FCHSD2: variants seen among roughly 807,000 people sequenced by gnomAD.
FCHSD2 encodes the protein F-BAR and double SH3 domains protein 2.
In FCHSD2, 38 loss-of-function variants were observed where a neutral mutation model predicts 108.1. The ratio of observed to expected loss-of-function variants is 0.35; its 90% CI spans 0.27 to 0.46. FCHSD2 has a LOEUF of 0.46. Among genes scored for constraint, FCHSD2 ranks in the 20% least tolerant of loss-of-function variants. The probability of loss-of-function intolerance (pLI) is 1.00; values close to 1 mark genes in which losing one functional copy is unlikely to be tolerated. For synonymous variants in FCHSD2, 279 were observed against 314.7 expected (o/e 0.89, Z 1.20); for missense variants, 751 against 897.8 (o/e 0.84, Z 2.09).
chr11:72,946,827 T>C (rs1332269826), intron 8 of FCHSD2, among the ~76,000 whole-genome samples: 1 of 152,168 alleles, frequency 6.6e-6, no homozygotes, highest in Non-Finnish European at 1.5e-5. Flanking sequence ...AGATGTTAAG[T>C]ATAATGCCTA....
chr11:72,916,880 A>C (rs1373397299), intron 9 of FCHSD2, among the ~76,000 whole-genome samples: 1 of 151,708 alleles, frequency 6.6e-6, no homozygotes, highest in African/African-American at 2.4e-5. Flanking sequence ...ATAAAGATCT[A>C]TCTCTGTTTT....
chr11:72,870,495 C>T (rs982949291), intron 12 of FCHSD2, among the ~76,000 whole-genome samples: 2 of 152,002 alleles, frequency 1.3e-5, no homozygotes, highest in African/African-American at 4.8e-5. Flanking sequence ...TGAAAGACTG[C>T]CATTCAATGA....
Position 72,928,100 on chromosome 11 carries a change from T to A in FCHSD2, c.706-6150A>T, listed in dbSNP as rs146004687. Among the ~76,000 whole-genome samples the A allele has an allele frequency of 9.2e-5, 14 of 152,172 alleles. No individual in the cohort carries two copies. The East Asian group carries it at 2.5e-3, about 27-fold the overall frequency. On this transcript the variant is annotated intron_variant, in intron 8 of 19. Coordinates refer to ENST00000409418, the MANE Select transcript of FCHSD2 (RefSeq NM_014824.3). ...TCTTGCCTTGCTTTAAAATCATCAA[T>A]GCATTGGCCACATATTGATAATGGT...
intron 10 of FCHSD2, among the ~76,000 whole-genome samples, chr11:72,890,903 T>A (rs540141432): frequency 2.4e-4 from 37 of 152,286 alleles, no homozygotes; most frequent in Middle Eastern, 3.4e-3. Flanking sequence ...GAATTTTTTT[T>A]AAAATATAAA....
chr11:72,881,582 T>C (rs1374062629), intron 12 of FCHSD2, among the ~76,000 whole-genome samples: 3 of 152,208 alleles, frequency 2.0e-5, no homozygotes, highest in African/African-American at 7.2e-5. Flanking sequence ...AGTCATACCT[T>C]CATCCCCTGT....
chr11:73,012,722 C>T (rs1260070570), intron 4 of FCHSD2, among the ~76,000 whole-genome samples: 1 of 152,108 alleles, frequency 6.6e-6, no homozygotes, highest in Non-Finnish European at 1.5e-5. Context: ...CTCTCTCCCC[C>T]TGCTTCATTC....
rs1860773828 is a variant in FCHSD2, at chr11:72,837,710, A to T, written c.*1081T>A. ...GCGCAATCCTTCAGTCCTTTCTCAT[A>T]GAAAGCTGGTTTCCTCCACGAGCCA... is the stretch of plus-strand genomic sequence containing the variant. On this transcript the variant is annotated 3_prime_UTR_variant, in exon 20 of 20. Transcript: ENST00000409418. 6.6e-6 allele frequency: 1 copy of T among 152,194 alleles called. No individual in the cohort carries two copies. The highest frequency in any genetic ancestry group is 1.5e-5 in the Non-Finnish European group (1 of 68,034). The allele number at this position is 152,194 out of a possible 1,614,324, so 9.4% of individuals were successfully genotyped here. A position where few individuals can be genotyped will look rare whatever the true frequency, so the allele number is the denominator to read the frequency against.
chr11:73,072,834 C>T (rs1045222806), intron 3 of FCHSD2, among the ~76,000 whole-genome samples: 4 of 152,190 alleles, frequency 2.6e-5, no homozygotes, highest in Non-Finnish European at 2.9e-5. Context: ...ACCACATGCA[C>T]ATAACACTAA....
intron 9 of FCHSD2, among the ~76,000 whole-genome samples, chr11:72,906,173 G>C (rs1190261791): frequency 1.3e-5 from 2 of 152,194 alleles, no homozygotes; most frequent in African/African-American, 4.8e-5. Context: ...GCATTTCTCT[G>C]ATGACCAGTG....
intron 3 of FCHSD2, among the ~76,000 whole-genome samples, chr11:73,025,467 C>A (rs1300360968): frequency 6.6e-6 from 1 of 151,924 alleles, no homozygotes; most frequent in Non-Finnish European, 1.5e-5. Flanking sequence ...TAGAGGGGAA[C>A]AACAGGCACT....
chr11:73,014,152 GAC>G (rs1857920256), intron 4 of FCHSD2, among the ~76,000 whole-genome samples: 1 of 122,134 alleles, frequency 8.2e-6, no homozygotes, highest in African/African-American at 3.2e-5. Context: ...TTTTTTGGGA[GAC>G]AGAGTCTCAC....
At chr11:72,866,280 G>A (rs1854720920) in intron 13 of FCHSD2, among the ~76,000 whole-genome samples, 2 of 150,944 alleles carry the variant, frequency 1.3e-5, no homozygotes, top group African/African-American at 4.9e-5. Context: ...TGTTTTTTTT[G>A]TTTTTTGAGA....
chr11:73,001,664 C>T lies in FCHSD2; in HGVS notation c.243-530G>A, dbSNP rs185722185. On this transcript the variant is annotated intron_variant, in intron 4 of 19. Transcript: ENST00000409418. ...CATTTTACTCTTATATAAACTGACG[C>T]GGCTGGAAAAATATATCATGAACAA... is the stretch of plus-strand genomic sequence containing the variant. Among the ~76,000 whole-genome samples the T allele has an allele frequency of 7.2e-5, 11 of 152,230 alleles. No individual in the cohort carries two copies. In the South Asian group the frequency reaches 1.0e-3, roughly 14 times the overall value.
intron 2 of FCHSD2, among the ~76,000 whole-genome samples, chr11:73,115,665 A>T (rs1178507261): frequency 6.6e-6 from 1 of 152,220 alleles, no homozygotes; most frequent in Non-Finnish European, 1.5e-5. Context: ...AAATTGGTTC[A>T]TGCAATTGTA....
chr11:72,843,195 G>A lies in FCHSD2; in HGVS notation c.1661C>T (p.Thr554Met), dbSNP rs200023715. The change falls in exon 16 of 20, where the codon ACG becomes ATG. Residue 554 changes from threonine to methionine, a missense_variant. Coordinates refer to ENST00000409418, the MANE Select transcript of FCHSD2 (RefSeq NM_014824.3). ...DSRSHTSSNSTEAELVSGSLN... is the reference protein window; with the variant it reads ...DSRSHTSSNSMEAELVSGSLN... ...GCTGCCTGAAACGAGTTCTGCTTCC[G>A]TGGAATTGCTGGACGTGTGTGACCG... 1.2e-5 allele frequency: 20 copies of A among 1,613,958 alleles called. 1 individual carries two copies. In the East Asian group the frequency reaches 2.0e-4, roughly 16 times the overall value.
intron 2 of FCHSD2, among the ~76,000 whole-genome samples, chr11:73,127,085 CACCAGT>C (rs1351024461): frequency 2.0e-5 from 3 of 152,156 alleles, no homozygotes; most frequent in Admixed American, 6.5e-5. Context: ...ATCCTCCAAT[CACCAGT>C]AAGAGGAAAA....
chr11:72,907,810 G>C (rs1855665045), intron 9 of FCHSD2, among the ~76,000 whole-genome samples: 1 of 151,884 alleles, frequency 6.6e-6, no homozygotes, highest in South Asian at 2.1e-4. Flanking sequence ...AGCCAGGATG[G>C]TCTCGATCTC....
intron 2 of FCHSD2, among the ~76,000 whole-genome samples, chr11:73,121,901 C>A (rs1860743011): frequency 6.6e-6 from 1 of 152,210 alleles, no homozygotes; most frequent in South Asian, 2.1e-4. Context: ...GGTGTTGATA[C>A]CACTGGTCTA....
chr11:72,936,699 C>G (rs981900973), intron 8 of FCHSD2, among the ~76,000 whole-genome samples: 1 of 152,204 alleles, frequency 6.6e-6, no homozygotes, highest in Non-Finnish European at 1.5e-5. Flanking sequence ...CTTAACTTTG[C>G]TGCTGAACAC....
Sources: gnomAD v4.1 joint callset for allele counts (sites outside exome capture counted in the v4.1 genomes callset) on GRCh38, gnomAD v4.1.1 for gene constraint, MANE v1.5 for transcripts, NCBI Gene and HGNC (gene_info 2026-07-23, HGNC 2026-07-21) for gene names.